CCDC157: variants seen among roughly 807,000 people sequenced by gnomAD.
The protein encoded by CCDC157 is coiled-coil domain containing 157.
Under a neutral mutation model 70.9 loss-of-function variants are expected in CCDC157, and 60 were observed. The observed-to-expected ratio is 0.85, with a 90% confidence interval of 0.69 to 1.05. CCDC157 has a LOEUF of 1.05. Ranked by LOEUF, CCDC157 falls within the 50% of genes least tolerant of loss-of-function variation. The pLI is 0.00. For synonymous variants in CCDC157, 373 were observed against 422.4 expected (o/e 0.88, Z 1.43); for missense variants, 943 against 984.2 (o/e 0.96, Z 0.56).
chr22:30,361,227 GAC>G (rs1243143073), intron 1 of CCDC157, among the ~76,000 whole-genome samples: 1 of 134,634 alleles, frequency 7.4e-6, no homozygotes, highest in East Asian at 2.1e-4. Context: ...CAGCCTGGGT[GAC>G]AGAGCAAGAC....
At chr22:30,370,278 C>G (rs1294156898) in intron 4 of CCDC157, 48 bp from the exon 5 acceptor site, 1 of 1,595,122 alleles carries the variant, frequency 6.3e-7, no homozygotes, top group South Asian at 1.1e-5. Context: ...TCACCTCCCT[C>G]TCTACTCTCT....
At chr22:30,360,678 A>G (rs34318316) in intron 1 of CCDC157, among the ~76,000 whole-genome samples, 13,627 of 152,130 alleles carry the variant, frequency 0.09, 815 homozygotes, top group Middle Eastern at 0.15. Context: ...TTGGAAGACC[A>G]AGGAGGGTGG....
intron 2 of CCDC157, 120 bp from the exon 3 acceptor site, chr22:30,365,870 C>A: frequency 9.9e-7 from 1 of 1,011,890 alleles, no homozygotes; most frequent in Non-Finnish European, 1.4e-6. Flanking sequence ...CAGACTTCTC[C>A]CCAGGGTCTG....
rs752824336 is a variant in CCDC157 at position 30,372,129 on chromosome 22, GGCAGGTGCAGCAGCTGGAGGA to G, written c.1192_1212del (p.Glu400_Glu406del). 139 of 1,555,292 alleles carry G rather than the reference GGCAGGTGCAGCAGCTGGAGGA, an allele frequency of 8.9e-5. No homozygotes were observed. In the East Asian group the frequency reaches 2.4e-3, roughly 26 times the overall value. On this transcript the variant is annotated inframe_deletion, in exon 7 of 12. Coordinates refer to ENST00000338306, the MANE Select transcript of CCDC157 (RefSeq NM_001017437.5). Reference sequence around the variant, plus strand: ...GGTGAGCGCAGGGCGGCAGCGGAGAGGCAGGTGCAGCAGCTGGAGGAGCAGGTGCAGCAGTTGGAGGCGCAG... The same window carrying G: ...GGTGAGCGCAGGGCGGCAGCGGAGAGGCAGGTGCAGCAGTTGGAGGCGCAG...
At position 30,373,994 on chromosome 22, in the gene CCDC157, C is replaced by T. The variant is rs554271383; in HGVS notation, c.1575C>T (p.Ile525=). The T allele has an allele frequency of 9.5e-5, 154 of 1,612,874 alleles. 3 individuals carry two copies. In the South Asian group the frequency reaches 1.6e-3, roughly 17 times the overall value. ...EQATTDLRLT[I]LELERELEEL... ...CGACTACGGACCTGCGGCTAACCAT[C>T]CTGGAGCTAGAACGGGAGCTGGAGG... is the stretch of plus-strand genomic sequence containing the variant. The change falls in exon 9 of 12, where the codon ATC becomes ATT. Residue 525 remains isoleucine (I), a synonymous_variant. Transcript: ENST00000338306.
intron 2 of CCDC157, among the ~76,000 whole-genome samples, chr22:30,363,521 G>T (rs1258964262): frequency 1.3e-5 from 2 of 151,890 alleles, no homozygotes; most frequent in Non-Finnish European, 2.9e-5. Flanking sequence ...CTTACAGCTG[G>T]GCCTCAGTGA....
At position 30,370,586 on chromosome 22, in the gene CCDC157, C is replaced by G. The variant is rs144176322; in HGVS notation, c.681C>G (p.Val227=). 1.0e-4 allele frequency: 163 copies of G among 1,613,910 alleles called. No individual in the cohort carries two copies. Among genetic ancestry groups the G allele is most frequent in the Non-Finnish European group, 1.3e-4 (155 of 1,180,048 alleles). Residue 227 remains valine (V), a synonymous_variant, in exon 5 of 12, where the codon GTC becomes GTG. Coordinates refer to ENST00000338306, the MANE Select transcript of CCDC157 (RefSeq NM_001017437.5). ...TGCCCTGTGACGCATGCGCCAGCGT[C>G]CAGGGAAGCCTGCAGAAGGTGGGCA... ...ALVPCDACAS[V]QGSLQKVGKV... is the part of the protein sequence containing the mutation.
Position 30,370,859 on chromosome 22 carries a change from GA to G in CCDC157, c.957del (p.Lys319AsnfsTer35). 3 of 1,612,422 alleles carry G rather than the reference GA, an allele frequency of 1.9e-6. No individual in the cohort carries two copies. The highest frequency in any genetic ancestry group is 2.5e-6 in the Non-Finnish European group (3 of 1,179,990). ...KQAGKLEQAL[K>X]QEQGARRRQA... Reference sequence around the variant, plus strand: ...AGGCGGGCAAGCTGGAGCAGGCGCTGAAACAGGAGCAGGGGGCACGGCGGCG... The same window carrying G: ...AGGCGGGCAAGCTGGAGCAGGCGCTGAACAGGAGCAGGGGGCACGGCGGCG... On this transcript the variant is annotated frameshift_variant, in exon 5 of 12. Transcript: ENST00000338306. LOFTEE classifies it high-confidence loss of function.
chr22:30,369,894 C>T, intron 4 of CCDC157: 1 of 460,928 alleles, frequency 2.2e-6, no homozygotes, highest in East Asian at 3.4e-5. Context: ...GGTCATGTGA[C>T]CCCTGTTTGT....
chr22:30,361,247 CAA>C (rs33971565), intron 1 of CCDC157, among the ~76,000 whole-genome samples: 13 of 62,188 alleles, frequency 2.1e-4, no homozygotes, highest in Non-Finnish European at 3.1e-4. Context: ...GACTCTGTCT[CAA>C]AAAAAAAAAA....
intron 2 of CCDC157, among the ~76,000 whole-genome samples, chr22:30,365,539 G>C (rs1440910249): frequency 1.3e-5 from 2 of 152,130 alleles, no homozygotes; most frequent in Non-Finnish European, 2.9e-5. Context: ...CTGTGACCCA[G>C]CTAGAACCTG....
intron 2 of CCDC157, among the ~76,000 whole-genome samples, chr22:30,364,486 A>G (rs1932582638): frequency 6.6e-6 from 1 of 152,222 alleles, no homozygotes; most frequent in Non-Finnish European, 1.5e-5. Flanking sequence ...TCTATTATGC[A>G]TCAGTAAAAA....
At chr22:30,373,367 T>G in intron 7 of CCDC157, 1 of 545,876 alleles carries the variant, frequency 1.8e-6, no homozygotes, top group Non-Finnish European at 3.3e-6. Context: ...AGGGCCGGGG[T>G]CTTCAAGCTG....
chr22:30,374,095 G>A lies in CCDC157; in HGVS notation c.1672+4G>A. ...CCCACCGAGACCCAGATCCATGGTAGGGGACTGGGGATGGTGCCAAGGGCA... is the reference window on the plus strand; with the variant it reads ...CCCACCGAGACCCAGATCCATGGTAAGGGACTGGGGATGGTGCCAAGGGCA... On this transcript the variant is annotated splice_donor_region_variant and intron_variant, in intron 9 of 11. Coordinates refer to ENST00000338306, the MANE Select transcript of CCDC157 (RefSeq NM_001017437.5). The A allele has an allele frequency of 6.3e-7, 1 of 1,589,264 alleles. No homozygotes were observed. The highest frequency in any genetic ancestry group is 8.6e-7 in the Non-Finnish European group (1 of 1,169,052).
At chr22:30,364,220 C>G (rs1328246761) in intron 2 of CCDC157, among the ~76,000 whole-genome samples, 2 of 152,284 alleles carry the variant, frequency 1.3e-5, no homozygotes, top group East Asian at 1.9e-4. Context: ...GCCTGTAGTC[C>G]TAGCTACTTG....
chr22:30,371,243 T>C (rs1022487824), intron 5 of CCDC157: 25 of 516,556 alleles, frequency 4.8e-5, no homozygotes, highest in Non-Finnish European at 3.5e-6. Flanking sequence ...CTGTCAGTCA[T>C]TGAGGGCTAC....
In CCDC157 at chr22:30,371,733, G is replaced by A. The variant is rs1410132022; in HGVS notation, c.1123+6G>A. 1 of 1,612,562 alleles carries A rather than the reference G, an allele frequency of 6.2e-7. No individual in the cohort carries two copies. The highest frequency in any genetic ancestry group is 8.5e-7 in the Non-Finnish European group (1 of 1,178,624). Reference sequence around the variant, plus strand: ...GGAGTCCACACAGGCTGTGGGTAAGGAGCCCCATCATAGGCCCCCATGCCA... The same window carrying A: ...GGAGTCCACACAGGCTGTGGGTAAGAAGCCCCATCATAGGCCCCCATGCCA... On this transcript the variant is annotated splice_donor_region_variant and intron_variant, in intron 6 of 11. Coordinates refer to ENST00000338306, the MANE Select transcript of CCDC157 (RefSeq NM_001017437.5).
chr22:30,370,628 G>C lies in CCDC157; in HGVS notation c.723G>C (p.Leu241=), dbSNP rs1191685065. The C allele has an allele frequency of 1.2e-6, 2 of 1,614,104 alleles. No individual in the cohort carries two copies. The highest frequency in any genetic ancestry group is 2.2e-5 in the South Asian group (2 of 91,090). Residue 241 remains leucine, a synonymous_variant, in exon 5 of 12, where the codon CTG becomes CTC. Coordinates refer to ENST00000338306, the MANE Select transcript of CCDC157 (RefSeq NM_001017437.5). The part of the protein sequence containing the change: ...LQKVGKVVIS[L]CQSQNLPSSL... ...AGGTGGGCAAGGTGGTCATCAGCCT[G>C]TGTCAGAGCCAGAACCTGCCCTCGT... is the stretch of plus-strand genomic sequence containing the variant.
At chr22:30,376,395 T>G (rs1169528464) in intron 11 of CCDC157, 38 bp from the exon 12 acceptor site, 15 of 1,613,884 alleles carry the variant, frequency 9.3e-6, no homozygotes, top group Non-Finnish European at 1.3e-5. Flanking sequence ...GAGTGTTCCC[T>G]GCATTCACAG....
Sources: allele counts gnomAD v4.1 joint callset (sites outside exome capture counted in the v4.1 genomes callset), GRCh38; gene constraint gnomAD v4.1.1; transcripts MANE v1.5; gene names NCBI Gene and HGNC (gene_info 2026-07-23, HGNC 2026-07-21).